Variants in ATXN7L1 observed in about 807,000 individuals in gnomAD.
ATXN7L1 encodes the protein ataxin 7 like 1.
In ATXN7L1, 15 loss-of-function variants were observed where a neutral mutation model predicts 70.8. That is an observed-to-expected ratio of 0.21 (90% CI 0.14 to 0.33). The LOEUF is 0.33. Ranked by LOEUF, ATXN7L1 falls within the 10% of genes least tolerant of loss-of-function variation. The pLI, the probability that ATXN7L1 is intolerant of heterozygous loss-of-function variation, is 1.00. For synonymous variants in ATXN7L1, 440 were observed against 445.1 expected (o/e 0.99, Z 0.14); for missense variants, 975 against 1,097.1 (o/e 0.89, Z 1.57).
intron 8 of ATXN7L1, among the ~76,000 whole-genome samples, chr7:105,622,996 C>T (rs1004370815): frequency 3.9e-5 from 6 of 152,168 alleles, no homozygotes; most frequent in African/African-American, 9.7e-5. Context: ...CGCCCTGCTA[C>T]GTGAGATGAT....
At chr7:105,852,992 T>C (rs1347474405) in intron 2 of ATXN7L1, among the ~76,000 whole-genome samples, 3 of 151,940 alleles carry the variant, frequency 2.0e-5, no homozygotes, top group South Asian at 4.1e-4. Flanking sequence ...ATGAGGGGAA[T>C]AGATGATTAG....
chr7:105,756,474 G>A (rs890131755), intron 3 of ATXN7L1, among the ~76,000 whole-genome samples: 1 of 152,212 alleles, frequency 6.6e-6, no homozygotes, highest in Non-Finnish European at 1.5e-5. Flanking sequence ...GCTTTAGTAG[G>A]AAACACATTT....
chr7:105,863,457 A>G (rs1816934894), intron 2 of ATXN7L1, among the ~76,000 whole-genome samples: 1 of 152,232 alleles, frequency 6.6e-6, no homozygotes, highest in Admixed American at 6.5e-5. Flanking sequence ...AGGATGAGTG[A>G]AGTCAGGTGC....
At chr7:105,784,398 AC>A (rs1428677880) in intron 3 of ATXN7L1, among the ~76,000 whole-genome samples, 1 of 152,000 alleles carries the variant, frequency 6.6e-6, no homozygotes, top group Non-Finnish European at 1.5e-5. Flanking sequence ...TTTTCCTTTA[AC>A]CACAAATTTC....
rs566570040 is a variant in ATXN7L1 at position 105,763,031 on chromosome 7, T to G, written c.355+25573A>C. Among the ~76,000 whole-genome samples, 25 of 152,238 alleles carry G rather than the reference T, an allele frequency of 1.6e-4. No homozygotes were observed. The South Asian group carries it at 5.2e-3, about 32-fold the overall frequency. Reference sequence around the variant, plus strand: ...TTCAGATGAAAGCTTGACTGCAGCCTCATGAGAGACTCTGAGCCGAACCAC... The same window carrying G: ...TTCAGATGAAAGCTTGACTGCAGCCGCATGAGAGACTCTGAGCCGAACCAC... On this transcript the variant is annotated intron_variant, in intron 3 of 11. Coordinates refer to ENST00000419735, the MANE Select transcript of ATXN7L1 (RefSeq NM_020725.2).
chr7:105,829,365 C>A (rs560057420), intron 2 of ATXN7L1, among the ~76,000 whole-genome samples: 236 of 152,292 alleles, frequency 1.5e-3, no homozygotes, highest in African/African-American at 5.3e-3. Flanking sequence ...ATCACTTGAA[C>A]CTGGGAAGTG....
chr7:105,684,085 A>G (rs989434842), intron 3 of ATXN7L1, among the ~76,000 whole-genome samples: 1 of 152,186 alleles, frequency 6.6e-6, no homozygotes, highest in African/African-American at 2.4e-5. Flanking sequence ...AGTGTGCCAG[A>G]TAAGCGGTGA....
intron 1 of ATXN7L1, 100 bp downstream of exon 1, chr7:105,876,278 G>A: frequency 7.3e-7 from 1 of 1,369,430 alleles, no homozygotes; most frequent in Non-Finnish European, 9.8e-7. Context: ...GGACACCGGG[G>A]GCCACTCTCT....
intron 2 of ATXN7L1, among the ~76,000 whole-genome samples, chr7:105,845,219 A>AAG (rs1487503064): frequency 6.6e-6 from 1 of 151,274 alleles, no homozygotes; most frequent in Non-Finnish European, 1.5e-5. Flanking sequence ...AAAAAAAAAA[A>AAG]AAAAAAAAAA....
Position 105,653,127 on chromosome 7 carries a change from C to T in ATXN7L1, c.579-10006G>A, listed in dbSNP as rs181258002. On this transcript the variant is annotated intron_variant, in intron 4 of 11. Coordinates refer to ENST00000419735, the MANE Select transcript of ATXN7L1 (RefSeq NM_020725.2). ...AGCAAACTCAGGATATTCTTTGTTC[C>T]AAATTAAATAGACTTTTTCTTTTTT... 1.1e-4 allele frequency among the ~76,000 whole-genome samples: 17 copies of T among 152,240 alleles called. No individual in the cohort carries two copies. In the East Asian group the frequency reaches 3.3e-3, roughly 29 times the overall value.
intron 3 of ATXN7L1, among the ~76,000 whole-genome samples, chr7:105,773,887 A>T (rs1019683460): frequency 6.6e-6 from 1 of 152,242 alleles, no homozygotes; most frequent in Non-Finnish European, 1.5e-5. Flanking sequence ...GTTAAAAAAA[A>T]TAAATGATAG....
rs185498131 is a variant in ATXN7L1 at position 105,818,086 on chromosome 7, C to A, written c.251-29378G>T. Among the ~76,000 whole-genome samples, 7 of 152,302 alleles carry A rather than the reference C, an allele frequency of 4.6e-5. No homozygotes were observed. The East Asian group carries it at 1.3e-3, about 29-fold the overall frequency. The stretch of plus-strand genomic sequence containing the variant: ...AAATCACTGAGGTTTCACAAGCATT[C>A]CAAAAGCATTCTGGTGAGTGCTGGA... On this transcript the variant is annotated intron_variant, in intron 2 of 11. Coordinates refer to ENST00000419735, the MANE Select transcript of ATXN7L1 (RefSeq NM_020725.2).
At chr7:105,643,524 C>A (rs1798555027) in intron 4 of ATXN7L1, among the ~76,000 whole-genome samples, 1 of 152,236 alleles carries the variant, frequency 6.6e-6, no homozygotes, top group African/African-American at 2.4e-5. Context: ...CTGAATCACG[C>A]CCCCTCCCCC....
At chr7:105,868,750 A>G (rs1817837167) in intron 2 of ATXN7L1, among the ~76,000 whole-genome samples, 1 of 152,226 alleles carries the variant, frequency 6.6e-6, no homozygotes, top group Non-Finnish European at 1.5e-5. Flanking sequence ...ATTAAAAAAA[A>G]TAAGTAGTTT....
In ATXN7L1 at chr7:105,613,941, A is replaced by G. The variant is rs1250270593; in HGVS notation, c.2393T>C (p.Met798Thr). 3 of 1,552,318 alleles carry G rather than the reference A, an allele frequency of 1.9e-6. No individual in the cohort carries two copies. The highest frequency in any genetic ancestry group is 2.7e-5 in the African/African-American group (2 of 73,178). Residue 798 changes from methionine (M) to threonine (T), a missense_variant, in exon 10 of 12, where the codon ATG becomes ACG. Met to Thr is a moderately conservative substitution (Grantham distance 81). This residue lies in a region of ATXN7L1 where 635 missense variants were observed against 699.4 expected (regional missense o/e 0.91). Coordinates refer to ENST00000419735, the MANE Select transcript of ATXN7L1 (RefSeq NM_020725.2). Reference protein sequence around the residue: ...KACKITKMPGMNSVHKKNPPS... With the variant: ...KACKITKMPGTNSVHKKNPPS... ...CGGGTTCTTTTTGTGAACGCTATTC[A>G]TACCAGGCATTTTAGTGATTTTACA...
At chr7:105,651,317 G>T (rs1217754045) in intron 4 of ATXN7L1, among the ~76,000 whole-genome samples, 1 of 152,224 alleles carries the variant, frequency 6.6e-6, no homozygotes, top group African/African-American at 2.4e-5. Context: ...TAGATACCAA[G>T]TGCTTAGCAT....
At chr7:105,871,607 G>T (rs1413051028) in intron 2 of ATXN7L1, among the ~76,000 whole-genome samples, 3 of 151,996 alleles carry the variant, frequency 2.0e-5, no homozygotes, top group African/African-American at 7.3e-5. Flanking sequence ...CTACTTGGGA[G>T]GCTGAGAAAG....
chr7:105,656,632 G>A (rs1176772316), intron 4 of ATXN7L1, among the ~76,000 whole-genome samples: 2 of 149,038 alleles, frequency 1.3e-5, no homozygotes, highest in Admixed American at 6.7e-5. Flanking sequence ...GTGCAGTGGT[G>A]TGATCTTGGC....
intron 4 of ATXN7L1, among the ~76,000 whole-genome samples, chr7:105,647,640 C>T (rs893517774): frequency 6.6e-6 from 1 of 152,198 alleles, no homozygotes; most frequent in Non-Finnish European, 1.5e-5. Flanking sequence ...AGCGAGACTC[C>T]GTCTCAAAAA....
Sources: gnomAD v4.1 joint callset for allele counts (sites outside exome capture counted in the v4.1 genomes callset) on GRCh38, gnomAD v4.1.1 for gene constraint, gnomAD v4.1.1 regional missense constraint, MANE v1.5 for transcripts, NCBI Gene and HGNC (gene_info 2026-07-23, HGNC 2026-07-21) for gene names.